Variants in DUSP10 observed in about 807,000 individuals in gnomAD.
DUSP10 encodes dual specificity phosphatase 10.
DUSP10 carries 14 observed loss-of-function variants against 30.8 expected under a neutral mutation model. That is an observed-to-expected ratio of 0.46 (90% CI 0.30 to 0.71). The LOEUF (loss-of-function observed/expected upper bound fraction) is 0.71, where lower values mean the gene tolerates loss of function less well. Among genes scored for constraint, DUSP10 ranks in the 30% least tolerant of loss-of-function variants. DUSP10 has a pLI of 0.08. For missense variants in DUSP10, 550 were observed against 619.4 expected, an observed-to-expected ratio of 0.89 and a Z score of 1.19; for synonymous variants, 254 against 250.4, an observed-to-expected ratio of 1.01 and a Z score of -0.14.
chr1:221,724,551 C>T (rs1661371019), intron 2 of DUSP10, among the ~76,000 whole-genome samples: 1 of 152,164 alleles, frequency 6.6e-6, no homozygotes, highest in Non-Finnish European at 1.5e-5. Context: ...GGACTGGCCC[C>T]ATTTCAAGTG....
intron 1 of DUSP10, among the ~76,000 whole-genome samples, chr1:221,741,116 C>G (rs4601596): frequency 3.9e-5 from 6 of 152,136 alleles, no homozygotes; most frequent in South Asian, 4.1e-4. Context: ...CGCGCGCACA[C>G]GGGGCACGCA....
chr1:221,722,339 C>T (rs2102635445), intron 2 of DUSP10, among the ~76,000 whole-genome samples: 1 of 152,300 alleles, frequency 6.6e-6, no homozygotes, highest in Non-Finnish European at 1.5e-5. Context: ...TGTACCTCTT[C>T]AGTTGGTTCT....
At chr1:221,721,763 C>T (rs1047738335) in intron 2 of DUSP10, among the ~76,000 whole-genome samples, 3 of 152,102 alleles carry the variant, frequency 2.0e-5, no homozygotes, top group Non-Finnish European at 4.4e-5. Flanking sequence ...AAAGAAGGCT[C>T]AGGAGGGAAA....
Position 221,702,408 on chromosome 1 carries a change from A to T in DUSP10, c.*4T>A, listed in dbSNP as rs575353884. The T allele has an allele frequency of 2.5e-6, 4 of 1,613,382 alleles. No homozygotes were observed. Among genetic ancestry groups the T allele is most frequent in the Non-Finnish European group, 3.4e-6 (4 of 1,179,790 alleles). ...AGCAGCAATCCTTTCCATCCAGACC[A>T]TTGTCACACAACCGTCTCCACGCCC... On this transcript the variant is annotated 3_prime_UTR_variant, in exon 4 of 4. Coordinates refer to ENST00000366899, the MANE Select transcript of DUSP10 (RefSeq NM_007207.6). This position sits in a 1 kb window ranked among gnomAD's most constrained non-coding sequence, Gnocchi z 4.5.
At chr1:221,724,446 T>C (rs1441578507) in intron 2 of DUSP10, among the ~76,000 whole-genome samples, 1 of 152,174 alleles carries the variant, frequency 6.6e-6, no homozygotes, top group African/African-American at 2.4e-5. Flanking sequence ...CAAGAGTCAA[T>C]ATTAAAACAA....
At chr1:221,727,710 C>A (rs1185628694) in intron 2 of DUSP10, among the ~76,000 whole-genome samples, 2 of 152,290 alleles carry the variant, frequency 1.3e-5, no homozygotes, top group South Asian at 4.2e-4. Flanking sequence ...AGTTAATCTC[C>A]TTGAATTTAT....
At chr1:221,711,411 G>C (rs1660933532) in intron 2 of DUSP10, among the ~76,000 whole-genome samples, 1 of 152,182 alleles carries the variant, frequency 6.6e-6, no homozygotes, top group Admixed American at 6.5e-5. Context: ...TCTCACTGAA[G>C]GTCAGCAAAC....
chr1:221,737,998 A>G (rs1052432267), intron 2 of DUSP10, among the ~76,000 whole-genome samples: 1 of 152,190 alleles, frequency 6.6e-6, no homozygotes, highest in African/African-American at 2.4e-5. Flanking sequence ...CACTACCACC[A>G]CCAGGTAAAA....
At chr1:221,726,819 T>C (rs1661438268) in intron 2 of DUSP10, among the ~76,000 whole-genome samples, 1 of 152,162 alleles carries the variant, frequency 6.6e-6, no homozygotes, top group African/African-American at 2.4e-5. Flanking sequence ...CTCCTACTTG[T>C]ACTGCATTAG....
At position 221,702,291 on chromosome 1, in the gene DUSP10, T is replaced by C. The variant is rs1660627664; in HGVS notation, c.*121A>G. ...AAAATAAAGTGTTTAAACAAGTTTG[T>C]TTCCATTCACAAACTTACTCCCAAC... On this transcript the variant is annotated 3_prime_UTR_variant, in exon 4 of 4. Transcript: ENST00000366899. The surrounding 1 kb of genome is among the most constrained non-coding windows in gnomAD (Gnocchi z 4.5). 2 of 1,167,136 alleles carry C rather than the reference T, an allele frequency of 1.7e-6. No homozygotes were observed. Among genetic ancestry groups the C allele is most frequent in the Non-Finnish European group, 2.4e-6 (2 of 827,488 alleles). 72.3% of individuals were successfully genotyped at this position (1,167,136 alleles called of 1,614,324 possible). A position where few individuals can be genotyped will look rare whatever the true frequency, so the allele number is the denominator to read the frequency against.
intron 3 of DUSP10, among the ~76,000 whole-genome samples, chr1:221,704,759 C>T (rs574136087): frequency 6.6e-6 from 1 of 152,312 alleles, no homozygotes; most frequent in Non-Finnish European, 1.5e-5. Flanking sequence ...CACTTTACTT[C>T]TCTAAGTTCA....
At chr1:221,728,137 A>G (rs899259881) in intron 2 of DUSP10, among the ~76,000 whole-genome samples, 1 of 152,208 alleles carries the variant, frequency 6.6e-6, no homozygotes, top group Non-Finnish European at 1.5e-5. Context: ...ACCCTCCACC[A>G]TGGGCTGACC....
chr1:221,739,150 T>C lies in DUSP10; in HGVS notation c.595A>G (p.Lys199Glu). 6.2e-7 allele frequency: 1 copy of C among 1,614,224 alleles called. No individual in the cohort carries two copies. The highest frequency in any genetic ancestry group is 2.2e-5 in the East Asian group (1 of 44,886). The stretch of plus-strand genomic sequence containing the variant: ...TGCTGCAGTCTCCGCCGGCTGATCT[T>C]ATCGGCACAGTTAATGTGGACAGCT... ...QGAVHINCAD[K>E]ISRRRLQQGK... The change falls in exon 2 of 4, where the codon AAG becomes GAG. Residue 199 changes from lysine (K) to glutamate (E), a missense_variant. By Grantham distance (56) the Lys-to-Glu change is moderately conservative (BLOSUM62 1). Coordinates refer to ENST00000366899, the MANE Select transcript of DUSP10 (RefSeq NM_007207.6).
At chr1:221,731,914 T>C (rs1006447816) in intron 2 of DUSP10, among the ~76,000 whole-genome samples, 26 of 151,914 alleles carry the variant, frequency 1.7e-4, no homozygotes, top group African/African-American at 6.0e-4. Flanking sequence ...GCTGGCTATT[T>C]CTTAAAAAAG....
At position 221,739,138 on chromosome 1, in the gene DUSP10, G is replaced by A. The variant is rs372477751; in HGVS notation, c.607C>T (p.Arg203Trp). The change falls in exon 2 of 4, where the codon CGG (arginine) becomes TGG (tryptophan). Residue 203 changes from arginine (R) to tryptophan (W), a missense_variant. By Grantham distance (101) the Arg-to-Trp change is moderately radical (BLOSUM62 -3). Transcript: ENST00000366899. ...GTGATCTTGCCCTGCTGCAGTCTCC[G>A]CCGGCTGATCTTATCGGCACAGTTA... Reference protein sequence around the residue: ...HINCADKISRRRLQQGKITVL... With the variant: ...HINCADKISRWRLQQGKITVL... 9 of 1,614,186 alleles carry A rather than the reference G, an allele frequency of 5.6e-6. No homozygotes were observed. Among genetic ancestry groups the A allele is most frequent in the Non-Finnish European group, 7.6e-6 (9 of 1,180,046 alleles).
intron 2 of DUSP10, among the ~76,000 whole-genome samples, chr1:221,732,357 G>A (rs1302601736): frequency 1.3e-5 from 2 of 152,146 alleles, no homozygotes; most frequent in African/African-American, 2.4e-5. Context: ...TTCCCCAGAT[G>A]AAGAGATTAA....
chr1:221,718,372 C>CTACTCTATACCA (rs1661179677), intron 2 of DUSP10, among the ~76,000 whole-genome samples: 1 of 152,130 alleles, frequency 6.6e-6, no homozygotes, highest in Non-Finnish European at 1.5e-5. Flanking sequence ...ACTGGGGAGG[C>CTACTCTATACCA]TACTCTATAC....
In DUSP10 at chr1:221,706,641, T is replaced by A. The variant is rs1482031263; in HGVS notation, c.812-175A>T. ...AAATAAAACAAAACAAAACAAAAAC[T>A]AAAAGTCCATTTGGAGACCCAAGAC... On this transcript the variant is annotated intron_variant, in intron 2 of 3. Transcript: ENST00000366899. The surrounding 1 kb of genome is among the most constrained non-coding windows in gnomAD (Gnocchi z 4.6). Among the ~76,000 whole-genome samples the A allele has an allele frequency of 6.6e-6, 1 of 152,000 alleles. No individual in the cohort carries two copies. The highest frequency in any genetic ancestry group is 2.4e-5 in the African/African-American group (1 of 41,370).
chr1:221,740,082 T>C (rs1179743160), intron 1 of DUSP10, among the ~76,000 whole-genome samples: 1 of 152,190 alleles, frequency 6.6e-6, no homozygotes, highest in Non-Finnish European at 1.5e-5. Context: ...AGAGAAGGTA[T>C]AAGCACAAAT....
Sources: allele counts gnomAD v4.1 joint callset (sites outside exome capture counted in the v4.1 genomes callset), GRCh38; gene constraint gnomAD v4.1.1; non-coding constraint Gnocchi (gnomAD v3.1); transcripts MANE v1.5; gene names NCBI Gene and HGNC (gene_info 2026-07-23, HGNC 2026-07-21).